OR51B5: variants seen among roughly 807,000 people sequenced by gnomAD.
The protein encoded by OR51B5 is olfactory receptor 51B5.
For missense variants in OR51B5, 456 were observed against 374.6 expected (o/e 1.22, Z -1.79); for synonymous variants, 186 against 144.8 (o/e 1.28, Z -2.04).
At chr11:5,459,148 T>A (rs1048179266) in intron 1 of OR51B5, among the ~76,000 whole-genome samples, 17 of 152,164 alleles carry the variant, frequency 1.1e-4, no homozygotes, top group Admixed American at 3.3e-4. Flanking sequence ...GTTTATTGAG[T>A]GTTTTTAGTA....
chr11:5,455,300 A>C (rs1850933856), intron 1 of OR51B5: 1 of 152,038 alleles, frequency 6.6e-6, no homozygotes. Flanking sequence ...TGTCTTCCAC[A>C]AAATGACATG....
intron 1 of OR51B5, among the ~76,000 whole-genome samples, chr11:5,394,535 C>T (rs2133734231): frequency 6.6e-6 from 1 of 152,332 alleles, no homozygotes; most frequent in East Asian, 1.9e-4. Context: ...TATTTAATAT[C>T]CACAAGCCTC....
intron 1 of OR51B5, chr11:5,468,651 T>C (rs926048403): frequency 1.1e-5 from 5 of 456,430 alleles, no homozygotes; most frequent in South Asian, 1.5e-5. Flanking sequence ...ACACTAACCA[T>C]AGGCACATAG....
At chr11:5,382,212 G>A (rs994688660) in intron 1 of OR51B5, among the ~76,000 whole-genome samples, 1 of 152,108 alleles carries the variant, frequency 6.6e-6, no homozygotes, top group Non-Finnish European at 1.5e-5. Flanking sequence ...TTTGATCACC[G>A]GAAAATCTTA....
At chr11:5,372,231 G>T (rs1280376631) in intron 1 of OR51B5, among the ~76,000 whole-genome samples, 1 of 152,160 alleles carries the variant, frequency 6.6e-6, no homozygotes. Context: ...CAATTAACAT[G>T]AGAGTGCAGA....
intron 1 of OR51B5, among the ~76,000 whole-genome samples, chr11:5,352,855 G>C (rs1380630038): frequency 8.1e-6 from 1 of 122,858 alleles, no homozygotes; most frequent in African/African-American, 3.0e-5. Flanking sequence ...ATATATAATA[G>C]TGTGTGTATG....
chr11:5,464,439 C>CA (rs1157521718), intron 1 of OR51B5, among the ~76,000 whole-genome samples: 1 of 146,576 alleles, frequency 6.8e-6, no homozygotes, highest in African/African-American at 2.5e-5. Context: ...CCCTCCCCCC[C>CA]ACCCACCCCA....
At chr11:5,372,423 C>T (rs1849461430) in intron 1 of OR51B5, among the ~76,000 whole-genome samples, 1 of 152,162 alleles carries the variant, frequency 6.6e-6, no homozygotes, top group South Asian at 2.1e-4. Context: ...ACAGCCTCTC[C>T]AACCCCTATC....
intron 1 of OR51B5, among the ~76,000 whole-genome samples, chr11:5,498,239 G>T (rs1332423027): frequency 6.6e-6 from 1 of 152,084 alleles, no homozygotes; most frequent in Non-Finnish European, 1.5e-5. Flanking sequence ...GCTATCTTTG[G>T]CGATCCTTGG....
chr11:5,441,921 A>C (rs923392494), intron 1 of OR51B5, among the ~76,000 whole-genome samples: 3 of 152,120 alleles, frequency 2.0e-5, no homozygotes, highest in Non-Finnish European at 4.4e-5. Context: ...TGTAGCTCAG[A>C]CTTCACCCCA....
chr11:5,340,894 GAC>G (rs1388880503), downstream of OR51B5: 1 of 152,036 alleles, frequency 6.6e-6, no homozygotes, highest in Non-Finnish European at 1.5e-5. Flanking sequence ...ATAATTAAGG[GAC>G]ACATGTTTGG....
intron 1 of OR51B5, among the ~76,000 whole-genome samples, chr11:5,394,771 G>A (rs555664748): frequency 2.0e-5 from 3 of 152,256 alleles, no homozygotes; most frequent in South Asian, 2.1e-4. Context: ...ATCAGGGGAC[G>A]TTAGTTTTTT....
At chr11:5,504,459 AC>A (rs1846345083) in intron 1 of OR51B5, among the ~76,000 whole-genome samples, 1 of 152,068 alleles carries the variant, frequency 6.6e-6, no homozygotes, top group African/African-American at 2.4e-5. Flanking sequence ...CACCTGTGTA[AC>A]CCCCTTGTCA....
intron 1 of OR51B5, among the ~76,000 whole-genome samples, chr11:5,505,044 G>A (rs1409602809): frequency 6.6e-6 from 1 of 152,190 alleles, no homozygotes; most frequent in African/African-American, 2.4e-5. Context: ...AACTTCAAAG[G>A]AGCCTCAGGT....
chr11:5,415,931 C>T (rs1045496972), intron 1 of OR51B5, among the ~76,000 whole-genome samples: 1 of 147,008 alleles, frequency 6.8e-6, no homozygotes, highest in Non-Finnish European at 1.5e-5. Context: ...TTTTATGAGG[C>T]CAGCATCATC....
At chr11:5,371,566 A>T (rs781708228) in intron 1 of OR51B5, among the ~76,000 whole-genome samples, 1 of 152,152 alleles carries the variant, frequency 6.6e-6, no homozygotes, top group Non-Finnish European at 1.5e-5. Flanking sequence ...AAATAACATG[A>T]AGGACCCTAA....
chr11:5,442,836 T>C (rs1850711184), intron 1 of OR51B5, among the ~76,000 whole-genome samples: 1 of 152,166 alleles, frequency 6.6e-6, no homozygotes, highest in Admixed American at 6.6e-5. Context: ...TCTCTGAATC[T>C]AATGAAAACA....
intron 1 of OR51B5, chr11:5,489,513 C>T (rs1851550750): frequency 6.2e-7 from 1 of 1,614,050 alleles, no homozygotes; most frequent in Non-Finnish European, 8.5e-7. Context: ...GCTTTGGTCA[C>T]CACGAAGTCC....
chr11:5,473,963 T>G (rs1214291764), intron 1 of OR51B5, among the ~76,000 whole-genome samples: 1 of 152,014 alleles, frequency 6.6e-6, no homozygotes, highest in African/African-American at 2.4e-5. Context: ...AAGTCTGCCT[T>G]CTTAGAATTC....
Sources: allele counts gnomAD v4.1 joint callset (sites outside exome capture counted in the v4.1 genomes callset), GRCh38; gene constraint gnomAD v4.1.1; transcripts MANE v1.5; gene names NCBI Gene and HGNC (gene_info 2026-07-23, HGNC 2026-07-21).